The following CDK11B variants were observed in gnomAD, a reference collection of about 807,000 sequenced individuals.
CDK11B encodes the protein cyclin dependent kinase 11B.
A neutral mutation model predicts 84.0 loss-of-function variants in CDK11B; 37 were observed. That is an observed-to-expected ratio of 0.44 (90% CI 0.34 to 0.58). CDK11B has a LOEUF of 0.58. Ranked by LOEUF, CDK11B falls within the 20% of genes least tolerant of loss-of-function variation. The pLI, the probability that CDK11B is intolerant of heterozygous loss-of-function variation, is 0.02. For missense variants in CDK11B, 427 were observed against 834.0 expected (o/e 0.51, Z 6.01); for synonymous variants, 269 against 309.8 (o/e 0.87, Z 1.38).
intron 11 of CDK11B, among the ~76,000 whole-genome samples, chr1:1,639,072 C>T (rs1353124968): frequency 2.6e-5 from 4 of 151,096 alleles, no homozygotes; most frequent in Non-Finnish European, 4.4e-5. Context: ...TCCCTAGTAG[C>T]TGGGAGTATA....
intron 5 of CDK11B, among the ~76,000 whole-genome samples, chr1:1,647,926 G>C (rs1641383655): frequency 6.6e-6 from 1 of 152,374 alleles, no homozygotes; most frequent in South Asian, 2.1e-4. Context: ...CCCAAGTGCA[G>C]AGTGGAAGCA....
At position 1,637,218 on chromosome 1, in the gene CDK11B, G is replaced by A. The variant is rs376952146; in HGVS notation, c.1571-16C>T. On this transcript the variant is annotated splice_polypyrimidine_tract_variant and intron_variant, in intron 14 of 19. Transcript: ENST00000341832. ...TTCACCTCCCCTGGGAGGGAGGGAAGCTCCCATGTGGACCTGGCTGCCCCC... is the reference window on the plus strand; with the variant it reads ...TTCACCTCCCCTGGGAGGGAGGGAAACTCCCATGTGGACCTGGCTGCCCCC... 2 of 1,612,234 alleles carry A rather than the reference G, an allele frequency of 1.2e-6. No homozygotes were observed. The highest frequency in any genetic ancestry group is 1.1e-5 in the South Asian group (1 of 90,972).
intron 3 of CDK11B, chr1:1,654,260 A>G: frequency 2.3e-6 from 1 of 425,896 alleles, no homozygotes; most frequent in Non-Finnish European, 4.6e-6. Flanking sequence ...CGGAACACAC[A>G]GGTCTCAACA....
At chr1:1,653,647 G>C (rs1350503772) in intron 3 of CDK11B, among the ~76,000 whole-genome samples, 2 of 151,858 alleles carry the variant, frequency 1.3e-5, no homozygotes, top group Non-Finnish European at 2.9e-5. Flanking sequence ...AACAAGGGCA[G>C]CTCATTTTAT....
intron 17 of CDK11B, 78 bp from the exon 18 acceptor site, chr1:1,636,559 G>C: frequency 2.5e-6 from 4 of 1,572,378 alleles, no homozygotes; most frequent in Non-Finnish European, 3.5e-6. Context: ...GAGAAGACAA[G>C]CCACCAGGAG....
intron 3 of CDK11B, chr1:1,654,042 T>C (rs1368938493): frequency 2.4e-6 from 1 of 422,604 alleles, no homozygotes; most frequent in Non-Finnish European, 4.7e-6. Flanking sequence ...ACAATCTTCA[T>C]AATCTCAAAG....
At chr1:1,637,300 G>T in intron 14 of CDK11B, 98 bp from the exon 15 acceptor site, 1 of 1,571,072 alleles carries the variant, frequency 6.4e-7, no homozygotes, top group South Asian at 1.2e-5. Context: ...GCTTCTCAGG[G>T]CTTTCCCTGT....
At position 1,636,767 on chromosome 1, in the gene CDK11B, A is replaced by G. The variant is rs1383571103; in HGVS notation, c.1832T>C (p.Val611Ala). Residue 611 changes from valine (V) to alanine (A), a missense_variant, in exon 17 of 20, where the codon GTG becomes GCG. By Grantham distance (64) the Val-to-Ala change is moderately conservative. This residue lies in a region of CDK11B where 170 missense variants were observed against 196.0 expected (regional missense o/e 0.87). Coordinates refer to ENST00000341832, the MANE Select transcript of CDK11B (RefSeq NM_033486.3). Reference protein sequence around the residue: ...EYSTAVDMWSVGCIFGELLTQ... With the variant: ...EYSTAVDMWSAGCIFGELLTQ... Reference sequence around the variant, plus strand: ...CAGCAGCTCCCCGAAGATGCAACCCACTGACCACATGTCCACGGCCGTGGA... The same window carrying G: ...CAGCAGCTCCCCGAAGATGCAACCCGCTGACCACATGTCCACGGCCGTGGA... The G allele has an allele frequency of 6.2e-7, 1 of 1,613,842 alleles. No homozygotes were observed. The highest frequency in any genetic ancestry group is 2.2e-5 in the East Asian group (1 of 44,858).
intron 13 of CDK11B, 109 bp downstream of exon 13, chr1:1,637,653 G>A: frequency 9.3e-6 from 15 of 1,608,850 alleles, no homozygotes; most frequent in Non-Finnish European, 1.3e-5. Context: ...GTCTGTGAAG[G>A]GCTCCACTAA....
At chr1:1,645,791 T>G (rs1641005975) in intron 5 of CDK11B, 1 of 341,784 alleles carries the variant, frequency 2.9e-6, no homozygotes, top group Admixed American at 4.4e-5. Context: ...TTGCTGTATC[T>G]TCCTGCTGTA....
chr1:1,658,105 C>CGG (rs1210422756), intron 1 of CDK11B, among the ~76,000 whole-genome samples: 4 of 145,102 alleles, frequency 2.8e-5, no homozygotes, highest in Non-Finnish European at 5.9e-5. Flanking sequence ...ATCCGAAAGG[C>CGG]GGAGGTTCCG....
chr1:1,647,759 C>A (rs1375901011), intron 5 of CDK11B, among the ~76,000 whole-genome samples: 2 of 152,244 alleles, frequency 1.3e-5, no homozygotes, highest in Non-Finnish European at 2.9e-5. Context: ...CACTGTACTT[C>A]ATTCTAGCAG....
chr1:1,656,968 A>G (rs1462299678), intron 2 of CDK11B, among the ~76,000 whole-genome samples: 2 of 152,264 alleles, frequency 1.3e-5, no homozygotes, highest in African/African-American at 2.4e-5. Context: ...CCAAATTACT[A>G]AAAAGGTTTC....
Position 1,655,424 on chromosome 1 carries a change from T to C in CDK11B, c.172A>G (p.Met58Val). ...LEEGELRDHRMEITIRNSPYR... is the reference protein window; with the variant it reads ...LEEGELRDHRVEITIRNSPYR... ...GGGGAGTTCCTTATTGTGATCTCCA[T>C]GCGGTGATCTCTCAGCTCCCCCTCC... The change falls in exon 3 of 20, where the codon ATG (methionine) becomes GTG (valine). Residue 58 changes from methionine to valine, a missense_variant. Coordinates refer to ENST00000341832, the MANE Select transcript of CDK11B (RefSeq NM_033486.3). The C allele has an allele frequency of 1.9e-6, 3 of 1,612,192 alleles. No individual in the cohort carries two copies. The highest frequency in any genetic ancestry group is 1.1e-5 in the South Asian group (1 of 91,030).
rs886155002 is a variant in CDK11B at position 1,647,840 on chromosome 1, C to T, written c.494+1659G>A. Among the ~76,000 whole-genome samples, 17 of 152,322 alleles carry T rather than the reference C, an allele frequency of 1.1e-4. No individual in the cohort carries two copies. In the South Asian group the frequency reaches 2.5e-3, roughly 22 times the overall value. The stretch of plus-strand genomic sequence containing the variant: ...CAAGGCCACTGCCCACTGCTCTAAA[C>T]GGAGTAACCCCTTCCAAGGCAGCAA... On this transcript the variant is annotated intron_variant, in intron 5 of 19. Transcript: ENST00000341832.
intron 3 of CDK11B, among the ~76,000 whole-genome samples, chr1:1,653,863 C>CACACACACAA (rs761317190): frequency 0.012 from 1,657 of 132,902 alleles, 38 homozygotes; most frequent in East Asian, 0.092. Flanking sequence ...CACACACACA[C>CACACACACAA]CCGAGCGTGG....
chr1:1,653,311 C>T (rs1642258609), intron 3 of CDK11B, among the ~76,000 whole-genome samples: 1 of 152,096 alleles, frequency 6.6e-6, no homozygotes. Flanking sequence ...GTGTGAGCCA[C>T]CGCACCCAGC....
intron 5 of CDK11B, chr1:1,646,101 C>G (rs1184254534): frequency 2.1e-6 from 1 of 470,504 alleles, no homozygotes; most frequent in East Asian, 6.1e-5. Flanking sequence ...CATTCAAGCT[C>G]TCCTATGACA....
At chr1:1,648,544 T>C (rs1008783648) in intron 5 of CDK11B, among the ~76,000 whole-genome samples, 2 of 149,246 alleles carry the variant, frequency 1.3e-5, no homozygotes, top group African/African-American at 2.6e-5. Flanking sequence ...ACTCCTCTCT[T>C]CCTGGAGCAG....
Sources: gnomAD v4.1 joint callset for allele counts (sites outside exome capture counted in the v4.1 genomes callset) on GRCh38, gnomAD v4.1.1 for gene constraint, gnomAD v4.1.1 regional missense constraint, MANE v1.5 for transcripts, NCBI Gene and HGNC (gene_info 2026-07-23, HGNC 2026-07-21) for gene names.